CADM2: variants seen among roughly 807,000 people sequenced by gnomAD.
CADM2 encodes cell adhesion molecule 2, also known as immunoglobulin superfamily member 4D.
A neutral mutation model predicts 49.8 loss-of-function variants in CADM2; 12 were observed. The ratio of observed to expected loss-of-function variants is 0.24; its 90% confidence interval spans 0.15 to 0.39. CADM2 has a LOEUF of 0.39. CADM2 is among the 10% of genes least tolerant of loss of function. The pLI is 1.00. For synonymous variants in CADM2, 214 were observed against 175.4 expected (o/e 1.22, Z -1.74); for missense variants, 378 against 492.3 (o/e 0.77, Z 2.20).
At chr3:85,764,383 A>G (rs1186612152) in intron 2 of CADM2, among the ~76,000 whole-genome samples, 1 of 152,114 alleles carries the variant, frequency 6.6e-6, no homozygotes, top group Non-Finnish European at 1.5e-5. Context: ...TGGGAAGATG[A>G]AATCTTTTTA....
intron 3 of CADM2, among the ~76,000 whole-genome samples, chr3:85,815,553 T>A (rs1250309613): frequency 6.6e-6 from 1 of 152,150 alleles, no homozygotes; most frequent in Non-Finnish European, 1.5e-5. Flanking sequence ...CAGCTCTTCA[T>A]GCTAAAAAAT....
chr3:85,053,523 G>A (rs2035964973), intron 1 of CADM2, among the ~76,000 whole-genome samples: 2 of 152,046 alleles, frequency 1.3e-5, no homozygotes, highest in South Asian at 4.2e-4. Context: ...AGGCTCTGTG[G>A]TGAAAAATGG....
chr3:85,454,280 G>A (rs529291913), intron 1 of CADM2, among the ~76,000 whole-genome samples: 11 of 152,114 alleles, frequency 7.2e-5, no homozygotes, highest in African/African-American at 2.2e-4. Flanking sequence ...GCAGTGAGCC[G>A]AGATTACAAC....
At chr3:85,376,453 A>G (rs947020954) in intron 1 of CADM2, among the ~76,000 whole-genome samples, 3 of 152,080 alleles carry the variant, frequency 2.0e-5, no homozygotes, top group African/African-American at 4.8e-5. Context: ...AGAGTACACC[A>G]TGTTAAGAAT....
chr3:86,043,948 C>CA (rs1190409521), intron 8 of CADM2, among the ~76,000 whole-genome samples: 5 of 152,078 alleles, frequency 3.3e-5, no homozygotes, highest in African/African-American at 1.2e-4. Context: ...CTGACGAAAA[C>CA]AAGAAATGGG....
intron 8 of CADM2, among the ~76,000 whole-genome samples, chr3:86,054,865 A>G (rs58221045): frequency 0.037 from 5,669 of 152,212 alleles, 210 homozygotes; most frequent in African/African-American, 0.095. Flanking sequence ...AAATGGATAT[A>G]TGGCAATGTC....
intron 1 of CADM2, among the ~76,000 whole-genome samples, chr3:85,054,162 C>T (rs1018726507): frequency 1.3e-5 from 2 of 151,446 alleles, no homozygotes; most frequent in Admixed American, 6.6e-5. Flanking sequence ...GGACTTAAAA[C>T]AAGAAGAAAG....
At chr3:85,400,725 T>G (rs1287520909) in intron 1 of CADM2, among the ~76,000 whole-genome samples, 1 of 152,026 alleles carries the variant, frequency 6.6e-6, no homozygotes, top group African/African-American at 2.4e-5. Context: ...AGTTTCTAGT[T>G]TATTTGTGTA....
chr3:85,399,258 T>A (rs560318065), intron 1 of CADM2, among the ~76,000 whole-genome samples: 13 of 152,338 alleles, frequency 8.5e-5, no homozygotes, highest in African/African-American at 2.9e-4. Context: ...CCTTTCCCCA[T>A]TGCTTGTTTT....
chr3:85,763,798 C>T (rs2069514118), intron 2 of CADM2, among the ~76,000 whole-genome samples: 2 of 152,148 alleles, frequency 1.3e-5, no homozygotes, highest in South Asian at 4.1e-4. Flanking sequence ...TATCAGCTCT[C>T]ATCCCACAGC....
At chr3:85,186,211 C>G (rs1023706599) in intron 1 of CADM2, among the ~76,000 whole-genome samples, 6 of 152,094 alleles carry the variant, frequency 3.9e-5, no homozygotes, top group African/African-American at 1.4e-4. Flanking sequence ...TCTTGCCTTT[C>G]AGGGTGGGAA....
chr3:85,961,682 GA>G (rs1258774303), intron 8 of CADM2, 35 bp downstream of exon 8: 1 of 1,436,784 alleles, frequency 7.0e-7, no homozygotes, highest in Non-Finnish European at 9.4e-7. Flanking sequence ...TATGTGAAAG[GA>G]TGCATAACTT....
chr3:85,843,352 G>A (rs1458144260), intron 3 of CADM2, among the ~76,000 whole-genome samples: 1 of 151,814 alleles, frequency 6.6e-6, no homozygotes, highest in African/African-American at 2.4e-5. Context: ...TTAAGAATAC[G>A]GTCTTTCTCT....
intron 2 of CADM2, among the ~76,000 whole-genome samples, chr3:85,792,584 G>C (rs1319588495): frequency 6.6e-6 from 1 of 152,108 alleles, no homozygotes; most frequent in East Asian, 1.9e-4. Context: ...GTCTCTCTAG[G>C]TATATCTCGG....
chr3:85,286,225 G>A (rs1279472118), intron 1 of CADM2, among the ~76,000 whole-genome samples: 5 of 152,214 alleles, frequency 3.3e-5, no homozygotes, highest in South Asian at 2.1e-4. Flanking sequence ...AGGAATATAA[G>A]CTTGTGTGAG....
intron 1 of CADM2, among the ~76,000 whole-genome samples, chr3:85,571,200 T>C (rs1184674404): frequency 1.3e-5 from 2 of 152,194 alleles, no homozygotes; most frequent in East Asian, 3.9e-4. Flanking sequence ...ATTCTTATAA[T>C]TTTATCTAGA....
intron 1 of CADM2, among the ~76,000 whole-genome samples, chr3:85,380,702 T>G (rs939939629): frequency 1.3e-5 from 2 of 151,908 alleles, no homozygotes; most frequent in Non-Finnish European, 2.9e-5. Flanking sequence ...CCAAATTAAG[T>G]GTAGATATTT....
intron 1 of CADM2, among the ~76,000 whole-genome samples, chr3:85,097,052 G>T (rs2037826489): frequency 1.3e-5 from 2 of 152,146 alleles, no homozygotes; most frequent in African/African-American, 4.8e-5. Flanking sequence ...ACAATGTGCA[G>T]GTTTGTTACA....
At chr3:85,731,171 T>C (rs966979461) in intron 2 of CADM2, among the ~76,000 whole-genome samples, 2 of 152,138 alleles carry the variant, frequency 1.3e-5, no homozygotes, top group African/African-American at 4.8e-5. Context: ...AGGCTACCCA[T>C]CATATGAAAA....
Sources: gnomAD v4.1 joint callset for allele counts (sites outside exome capture counted in the v4.1 genomes callset) on GRCh38, gnomAD v4.1.1 for gene constraint, MANE v1.5 for transcripts, NCBI Gene and HGNC (gene_info 2026-07-23, HGNC 2026-07-21) for gene names.